DHRSX: variants seen among roughly 807,000 people sequenced by gnomAD.
The protein encoded by DHRSX is polyprenol dehydrogenase.
In DHRSX, 31 loss-of-function variants were observed where a neutral mutation model predicts 34.0. The observed-to-expected ratio is 0.91, with a 90% CI of 0.69 to 1.23. The LOEUF (loss-of-function observed/expected upper bound fraction) is 1.23. Among genes scored for constraint, DHRSX ranks in the 50% most tolerant of loss-of-function variants. The pLI, the probability that DHRSX is intolerant of heterozygous loss-of-function variation, is 0.00. For synonymous variants in DHRSX, 201 were observed against 183.8 expected (o/e 1.09, Z -0.76); for missense variants, 414 against 428.1 (o/e 0.97, Z 0.29).
chrX:2,258,243 TAAG>T (rs2041306502), intron 5 of DHRSX, among the ~76,000 whole-genome samples: 1 of 151,408 alleles, frequency 6.6e-6, no homozygotes, highest in Non-Finnish European at 1.5e-5. Context: ...AGGCATTGCA[TAAG>T]AAGAGGAGAT....
At chrX:2,315,197 T>G (rs2042227933) in intron 3 of DHRSX, among the ~76,000 whole-genome samples, 1 of 150,934 alleles carries the variant, frequency 6.6e-6, no homozygotes. Context: ...AAGCGTGAGC[T>G]GCCTGAGTCT....
intron 1 of DHRSX, among the ~76,000 whole-genome samples, chrX:2,434,070 G>A (rs1375475470): frequency 5.3e-5 from 8 of 152,088 alleles, no homozygotes; most frequent in South Asian, 4.1e-4. Flanking sequence ...GAGCCACCGC[G>A]CCCGGTCTAT....
rs753035485 is a variant in DHRSX, at chrX:2,249,513, CTTTTTTTTTTTT to C, written c.597-6295_597-6284del. ...CCACCACGCTCAGCCCTTTTTGTGC[CTTTTTTTTTTTT>C]TTTTTTTTTTTTTTTTGAGACAGAG... is the stretch of plus-strand genomic sequence containing the variant. On this transcript the variant is annotated intron_variant, in intron 5 of 6. Transcript: ENST00000334651. Among the ~76,000 whole-genome samples the C allele has an allele frequency of 7.0e-4, 49 of 70,194 alleles. 1 individual carries two copies. The highest frequency in any genetic ancestry group is 2.2e-3 in the African/African-American group (46 of 21,068). The allele number at this position is 70,194 out of a possible 152,430, so 46.0% of individuals were successfully genotyped here.
At chrX:2,382,675 T>C (rs1410991889) in intron 3 of DHRSX, among the ~76,000 whole-genome samples, 5 of 71,314 alleles carry the variant, frequency 7.0e-5, no homozygotes, top group Middle Eastern at 5.4e-3. Context: ...ACCATCATCA[T>C]CACCATCACC....
chrX:2,245,948 T>G (rs1306264122), intron 5 of DHRSX, among the ~76,000 whole-genome samples: 1 of 125,096 alleles, frequency 8.0e-6, no homozygotes, highest in East Asian at 2.3e-4. Context: ...GGCAAGAGAG[T>G]GAGACTCCAT....
At chrX:2,469,678 C>A (rs2044559351) in intron 1 of DHRSX, among the ~76,000 whole-genome samples, 1 of 151,910 alleles carries the variant, frequency 6.6e-6, no homozygotes, top group South Asian at 2.1e-4. Context: ...AAGACATTCA[C>A]TAAGAATATG....
intron 3 of DHRSX, among the ~76,000 whole-genome samples, chrX:2,402,439 G>A (rs1419654371): frequency 6.6e-6 from 1 of 152,228 alleles, no homozygotes; most frequent in East Asian, 1.9e-4. Flanking sequence ...TAGGAGCTGT[G>A]GTCGTCCATA....
chrX:2,262,203 G>A (rs1416934806), intron 5 of DHRSX, among the ~76,000 whole-genome samples: 7 of 152,206 alleles, frequency 4.6e-5, no homozygotes, highest in African/African-American at 9.7e-5. Context: ...CATGGAGCCC[G>A]AGGCAGGAGG....
intron 3 of DHRSX, among the ~76,000 whole-genome samples, chrX:2,358,003 G>C (rs2042878501): frequency 6.6e-6 from 1 of 152,126 alleles, no homozygotes. Context: ...GGGACAAAAA[G>C]AATCCTCAAA....
chrX:2,412,511 C>T (rs1354150794), intron 2 of DHRSX, among the ~76,000 whole-genome samples: 4 of 145,256 alleles, frequency 2.8e-5, no homozygotes, highest in Non-Finnish European at 6.1e-5. Flanking sequence ...AAGGGGTGGC[C>T]TTTTTTTTTT....
At chrX:2,370,410 G>C (rs983152635) in intron 3 of DHRSX, among the ~76,000 whole-genome samples, 4 of 151,954 alleles carry the variant, frequency 2.6e-5, no homozygotes, top group Admixed American at 2.0e-4. Flanking sequence ...GACCTCAGGT[G>C]ATCCACCCGC....
intron 3 of DHRSX, among the ~76,000 whole-genome samples, chrX:2,340,129 A>C (rs1286997133): frequency 6.6e-6 from 1 of 151,022 alleles, no homozygotes; most frequent in Non-Finnish European, 1.5e-5. Context: ...CATAAGTGGG[A>C]GCTGAACAAT....
intron 3 of DHRSX, among the ~76,000 whole-genome samples, chrX:2,336,728 G>GC (rs1232810912): frequency 6.6e-6 from 1 of 151,732 alleles, no homozygotes; most frequent in Non-Finnish European, 1.5e-5. Context: ...GCACAGTACT[G>GC]CCCACATCGT....
intron 1 of DHRSX, among the ~76,000 whole-genome samples, chrX:2,433,319 C>G (rs917467733): frequency 7.9e-5 from 12 of 152,074 alleles, no homozygotes; most frequent in Non-Finnish European, 1.8e-4. Context: ...AGAACAGGCT[C>G]AAATGGCCCT....
At chrX:2,481,443 A>C (rs1222449617) in intron 1 of DHRSX, among the ~76,000 whole-genome samples, 1 of 152,018 alleles carries the variant, frequency 6.6e-6, no homozygotes. Context: ...AGGCGGGTGG[A>C]TCACCTGAGG....
rs751004424 is a variant in DHRSX, at chrX:2,373,110, A to T, written c.286+35635T>A. On this transcript the variant is annotated intron_variant, in intron 3 of 6. Coordinates refer to ENST00000334651, the MANE Select transcript of DHRSX (RefSeq NM_145177.3). ...CGAAAACCATATCTTCCACGGCGGC[A>T]GGCAAAATGGCTCCTGTAGGGGAAC... Among the ~76,000 whole-genome samples the T allele has an allele frequency of 1.4e-4, 22 of 152,326 alleles. No homozygotes were observed. The East Asian group carries it at 3.7e-3, about 25-fold the overall frequency.
intron 3 of DHRSX, among the ~76,000 whole-genome samples, chrX:2,366,208 G>A (rs1372567988): frequency 3.9e-5 from 6 of 152,056 alleles, no homozygotes; most frequent in African/African-American, 1.2e-4. Context: ...TTGGGAGGCC[G>A]AGGCAGGTGG....
Position 2,248,643 on chromosome X carries a change from GAAAAAGAAAGAAAA to G in DHRSX, c.597-5427_597-5414del, listed in dbSNP as rs760183628. On this transcript the variant is annotated intron_variant, in intron 5 of 6. Coordinates refer to ENST00000334651, the MANE Select transcript of DHRSX (RefSeq NM_145177.3). ...AAAAAAAAAGAAAAAGAAAAGAAAA[GAAAAAGAAAGAAAA>G]GAAAAGGAAAAGGAAATTCCTTGAC... is the stretch of plus-strand genomic sequence containing the variant. Among the ~76,000 whole-genome samples the G allele has an allele frequency of 9.2e-3, 930 of 100,638 alleles. 9 individuals carry two copies. The highest frequency in any genetic ancestry group is 0.022 in the Non-Finnish European group (806 of 37,238). 66.0% of individuals were successfully genotyped at this position (100,638 alleles called of 152,430 possible).
intron 3 of DHRSX, among the ~76,000 whole-genome samples, chrX:2,407,666 T>G (rs1389440282): frequency 6.6e-6 from 1 of 152,218 alleles, no homozygotes; most frequent in Non-Finnish European, 1.5e-5. Flanking sequence ...TTGCATCTTC[T>G]ACAATTTTTC....
Sources: allele counts gnomAD v4.1 joint callset (sites outside exome capture counted in the v4.1 genomes callset), GRCh38; gene constraint gnomAD v4.1.1; transcripts MANE v1.5; gene names NCBI Gene and HGNC (gene_info 2026-07-23, HGNC 2026-07-21).